PDE4B: variants seen among roughly 807,000 people sequenced by gnomAD.
PDE4B encodes the protein 3',5'-cyclic-AMP phosphodiesterase 4B.
In PDE4B, 20 loss-of-function variants were observed where a neutral mutation model predicts 82.2. The ratio of observed to expected loss-of-function variants is 0.24; its 90% CI spans 0.17 to 0.35. The LOEUF (loss-of-function observed/expected upper bound fraction) is 0.35, where lower values mean the gene tolerates loss of function less well. PDE4B is among the 10% of genes least tolerant of loss of function. The pLI is 1.00. For missense variants in PDE4B, 655 were observed against 907.2 expected, an observed-to-expected ratio of 0.72 and a Z score of 3.57; for synonymous variants, 320 against 318.9, an observed-to-expected ratio of 1.00 and a Z score of -0.04.
intron 1 of PDE4B, among the ~76,000 whole-genome samples, chr1:65,805,623 T>C (rs1259915995): frequency 1.3e-5 from 2 of 152,220 alleles, no homozygotes; most frequent in African/African-American, 4.8e-5. Flanking sequence ...ATCTTTTGTA[T>C]TGATAGGTGG....
intron 8 of PDE4B, among the ~76,000 whole-genome samples, chr1:66,345,201 TCTTTGCTCAAAAG>T (rs1661305055): frequency 6.6e-6 from 1 of 152,186 alleles, no homozygotes; most frequent in Non-Finnish European, 1.5e-5. Context: ...AATCTTGTTC[TCTTTGCTCAAAAG>T]TTGAGCAAAG....
chr1:65,898,349 C>T (rs1276319051), intron 1 of PDE4B, among the ~76,000 whole-genome samples: 1 of 151,988 alleles, frequency 6.6e-6, no homozygotes, highest in Non-Finnish European at 1.5e-5. Flanking sequence ...TCACACTTGT[C>T]AAATTTTGGT....
At chr1:66,358,326 T>C (rs1662433546) in intron 9 of PDE4B, among the ~76,000 whole-genome samples, 1 of 152,198 alleles carries the variant, frequency 6.6e-6, no homozygotes, top group Non-Finnish European at 1.5e-5. Flanking sequence ...CTGATACATA[T>C]ATCATTTTGG....
chr1:66,119,377 C>T (rs1645662235), intron 3 of PDE4B, among the ~76,000 whole-genome samples: 1 of 152,130 alleles, frequency 6.6e-6, no homozygotes, highest in Admixed American at 6.6e-5. Context: ...CCTTTTAAGA[C>T]CATTATTATG....
At chr1:66,358,827 T>G (rs905300102) in intron 9 of PDE4B, among the ~76,000 whole-genome samples, 5 of 152,170 alleles carry the variant, frequency 3.3e-5, no homozygotes, top group Admixed American at 2.6e-4. Flanking sequence ...CATTAAATGT[T>G]AAAAATGTGT....
chr1:66,067,008 T>C (rs17454773), intron 3 of PDE4B, among the ~76,000 whole-genome samples: 4,884 of 152,126 alleles, frequency 0.032, 124 homozygotes, highest in Non-Finnish European at 0.048. Context: ...TTTTATAATA[T>C]TCACACAACA....
rs117930996 is a variant in PDE4B at position 66,055,034 on chromosome 1, G to A, written c.281+136199G>A. On this transcript the variant is annotated intron_variant, in intron 3 of 16. Transcript: ENST00000341517. ...ACTGCGTTTTAAAGAGTGCAAATGC[G>A]ATTTAGATGAGCATCAGTAATATCA... Among the ~76,000 whole-genome samples the A allele has an allele frequency of 4.0e-4, 61 of 152,290 alleles. 2 individuals are homozygous for A. In the East Asian group the frequency reaches 0.011, roughly 27 times the overall value.
At chr1:65,908,160 T>C (rs950445074) in intron 1 of PDE4B, among the ~76,000 whole-genome samples, 1 of 152,174 alleles carries the variant, frequency 6.6e-6, no homozygotes, top group African/African-American at 2.4e-5. Flanking sequence ...AGGCTCCAGT[T>C]AGGAAAACAA....
chr1:66,180,690 G>T (rs1055761944), intron 3 of PDE4B, among the ~76,000 whole-genome samples: 1 of 152,154 alleles, frequency 6.6e-6, no homozygotes, highest in Admixed American at 6.6e-5. Flanking sequence ...GATTTGGGCC[G>T]ACCACTGGCA....
chr1:66,240,905 T>A (rs1426517219), intron 3 of PDE4B, among the ~76,000 whole-genome samples: 2 of 152,226 alleles, frequency 1.3e-5, no homozygotes, highest in African/African-American at 4.8e-5. Context: ...GGAGCCCCTG[T>A]TTCATTTCAG....
At chr1:66,139,048 G>T (rs940213702) in intron 3 of PDE4B, among the ~76,000 whole-genome samples, 2 of 152,200 alleles carry the variant, frequency 1.3e-5, no homozygotes, top group African/African-American at 4.8e-5. Context: ...GACCCAAAAG[G>T]TCTAATTATA....
At chr1:65,883,846 A>T (rs1167138484) in intron 1 of PDE4B, among the ~76,000 whole-genome samples, 1 of 152,096 alleles carries the variant, frequency 6.6e-6, no homozygotes, top group Non-Finnish European at 1.5e-5. Context: ...TACCTAATTT[A>T]TTGAGAGTTT....
chr1:66,147,102 C>A (rs1474089126), intron 3 of PDE4B, among the ~76,000 whole-genome samples: 1 of 152,276 alleles, frequency 6.6e-6, no homozygotes, highest in African/African-American at 2.4e-5. Context: ...CAGTGAGGAG[C>A]AATTCATGTG....
chr1:66,150,076 A>G (rs548059195), intron 3 of PDE4B, among the ~76,000 whole-genome samples: 1 of 152,278 alleles, frequency 6.6e-6, no homozygotes, highest in Admixed American at 6.5e-5. Flanking sequence ...GTGTGAGTTT[A>G]TATCTGGACT....
chr1:66,149,349 C>G (rs1003862774), intron 3 of PDE4B, among the ~76,000 whole-genome samples: 1 of 152,026 alleles, frequency 6.6e-6, no homozygotes, highest in Non-Finnish European at 1.5e-5. Flanking sequence ...ATTCTGGACA[C>G]AAGTATGTCT....
chr1:65,870,092 T>C (rs971167425), intron 1 of PDE4B, among the ~76,000 whole-genome samples: 6 of 152,170 alleles, frequency 3.9e-5, no homozygotes, highest in African/African-American at 1.2e-4. Flanking sequence ...TCTCCATTTT[T>C]TACAGTATCT....
At chr1:66,361,051 A>G (rs1213112950) in intron 9 of PDE4B, among the ~76,000 whole-genome samples, 1 of 152,214 alleles carries the variant, frequency 6.6e-6, no homozygotes, top group Non-Finnish European at 1.5e-5. Flanking sequence ...TTTGAGGATT[A>G]TGAACCATTT....
At chr1:66,105,350 G>A (rs904357714) in intron 3 of PDE4B, among the ~76,000 whole-genome samples, 35 of 151,858 alleles carry the variant, frequency 2.3e-4, no homozygotes, top group Admixed American at 9.2e-4. Context: ...TAGCCTTGTA[G>A]TATAGTTTGA....
At chr1:66,302,060 C>T (rs1026396091) in intron 7 of PDE4B, among the ~76,000 whole-genome samples, 1 of 152,146 alleles carries the variant, frequency 6.6e-6, no homozygotes, top group Non-Finnish European at 1.5e-5. Flanking sequence ...TAGAACACAG[C>T]ATCACTGGGT....
Sources: allele counts gnomAD v4.1 joint callset (sites outside exome capture counted in the v4.1 genomes callset), GRCh38; gene constraint gnomAD v4.1.1; transcripts MANE v1.5; gene names NCBI Gene and HGNC (gene_info 2026-07-23, HGNC 2026-07-21).